Variants in MROH1 observed in about 807,000 individuals in gnomAD.
MROH1 encodes the protein maestro heat like repeat family member 1.
In MROH1, 117 loss-of-function variants were observed where a neutral mutation model predicts 116.5. That is an observed-to-expected ratio of 1.00 (90% CI 0.86 to 1.17). MROH1 has a LOEUF of 1.17. Among genes scored for constraint, MROH1 ranks in the 50% most tolerant of loss-of-function variants. The pLI, the probability that MROH1 is intolerant of heterozygous loss-of-function variation, is 0.00. For missense variants in MROH1, 1,873 were observed against 1,338.5 expected, an observed-to-expected ratio of 1.40 and a Z score of -6.23; for synonymous variants, 921 against 583.9, an observed-to-expected ratio of 1.58 and a Z score of -8.32.
At chr8:144,187,786 G>T (rs1024421019) in intron 7 of MROH1, among the ~76,000 whole-genome samples, 1 of 152,246 alleles carries the variant, frequency 6.6e-6, no homozygotes, top group East Asian at 1.9e-4. Flanking sequence ...AGGGGTACAG[G>T]TAGAGATTTT....
At chr8:144,195,906 C>T (rs928554985) in intron 10 of MROH1, among the ~76,000 whole-genome samples, 5 of 152,062 alleles carry the variant, frequency 3.3e-5, no homozygotes, top group Non-Finnish European at 7.4e-5. Context: ...TATTTTTTGG[C>T]CATACAAAGT....
Position 144,255,612 on chromosome 8 carries a change from G to C in MROH1, c.3698G>C (p.Cys1233Ser). The change falls in exon 35 of 44, where the codon TGC becomes TCC. Residue 1233 changes from cysteine to serine, a missense_variant. By Grantham distance (112) the Cys-to-Ser change is moderately radical. Coordinates refer to ENST00000326134, the MANE Select transcript of MROH1 (RefSeq NM_032450.3). ...GTGGTGCTTCTGCTGCGCGTCAGCTGCACCGTGGGTGTCCAGCTGCCCCGG... is the reference window on the plus strand; with the variant it reads ...GTGGTGCTTCTGCTGCGCGTCAGCTCCACCGTGGGTGTCCAGCTGCCCCGG... ...LFVVLLLRVS[C>S]TVGVQLPRNL... 2.6e-6 allele frequency: 2 copies of C among 778,168 alleles called. No individual in the cohort carries two copies. The highest frequency in any genetic ancestry group is 3.4e-5 in the Admixed American group (2 of 58,892). 48.2% of individuals were successfully genotyped at this position (778,168 alleles called of 1,614,324 possible).
At chr8:144,200,384 GAAC>G (rs1390475436) in intron 11 of MROH1, 41 bp from the exon 12 acceptor site, 1 of 1,456,128 alleles carries the variant, frequency 6.9e-7, no homozygotes, top group Non-Finnish European at 9.3e-7. Context: ...GTATAGGGAT[GAAC>G]AAGATGACAT....
intron 4 of MROH1, among the ~76,000 whole-genome samples, chr8:144,169,989 A>G (rs1339654432): frequency 6.6e-6 from 1 of 152,214 alleles, no homozygotes; most frequent in Admixed American, 6.5e-5. Flanking sequence ...GCCTGCCACC[A>G]TGCCCGGCTA....
At chr8:144,183,159 C>G (rs1826099049) in intron 7 of MROH1, among the ~76,000 whole-genome samples, 1 of 152,066 alleles carries the variant, frequency 6.6e-6, no homozygotes, top group African/African-American at 2.4e-5. Flanking sequence ...GGGAGGATCA[C>G]TTGAGCCCAG....
chr8:144,183,463 A>C (rs7460939), intron 7 of MROH1, among the ~76,000 whole-genome samples: 148,041 of 149,892 alleles, frequency 0.99, 73,131 homozygotes, highest in East Asian at 1. Flanking sequence ...TTCTGAAAAA[A>C]CTTCCCACTG....
intron 35 of MROH1, among the ~76,000 whole-genome samples, chr8:144,258,281 C>T (rs1015045669): frequency 1.3e-5 from 2 of 152,188 alleles, no homozygotes; most frequent in African/African-American, 2.4e-5. Flanking sequence ...CTCCAGCTCT[C>T]GGCACCATCC....
chr8:144,213,984 C>G (rs892633025), intron 12 of MROH1: 1 of 151,696 alleles, frequency 6.6e-6, no homozygotes, highest in Non-Finnish European at 1.5e-5. Context: ...AAAAGATGTT[C>G]TTCTTTTTCT....
chr8:144,248,078 C>T (rs1327230214), intron 31 of MROH1, among the ~76,000 whole-genome samples: 1 of 152,216 alleles, frequency 6.6e-6, no homozygotes, highest in Non-Finnish European at 1.5e-5. Flanking sequence ...TACCCAAGAG[C>T]CACGTGGGGG....
rs964007284 is a variant in MROH1 at position 144,243,765 on chromosome 8, C to A, written c.2476-98C>A. On this transcript the variant is annotated intron_variant, in intron 25 of 43. Transcript: ENST00000326134. ...TAGGGACACATGGGGCTCTGCTCCT[C>A]GGGCCCCGCCTGTCACTTAGGCTGG... 3.1e-5 allele frequency: 23 copies of A among 738,682 alleles called. No homozygotes were observed. In the African/African-American group the frequency reaches 3.3e-4, roughly 10 times the overall value. 45.8% of individuals were successfully genotyped at this position (738,682 alleles called of 1,614,324 possible). A position where few individuals can be genotyped will look rare whatever the true frequency, so the allele number is the denominator to read the frequency against.
chr8:144,170,268 G>A (rs1404294647), intron 4 of MROH1, among the ~76,000 whole-genome samples: 1 of 152,176 alleles, frequency 6.6e-6, no homozygotes, highest in East Asian at 1.9e-4. Context: ...CTCCATGCTT[G>A]TCCTACTTTG....
chr8:144,174,657 A>T (rs1381713133), intron 4 of MROH1, among the ~76,000 whole-genome samples: 9 of 151,806 alleles, frequency 5.9e-5, no homozygotes, highest in African/African-American at 1.9e-4. Flanking sequence ...AATTGTTTTT[A>T]TTTTTTGTAG....
Position 144,255,820 on chromosome 8 carries a change from C to T in MROH1, c.3791+115C>T, listed in dbSNP as rs1554832670. 1.1e-4 allele frequency: 69 copies of T among 645,248 alleles called. No homozygotes were observed. In the East Asian group the frequency reaches 1.9e-3, roughly 17 times the overall value. The allele number at this position is 645,248 out of a possible 1,614,324, so 40.0% of individuals were successfully genotyped here. On this transcript the variant is annotated intron_variant, in intron 35 of 43. Coordinates refer to ENST00000326134, the MANE Select transcript of MROH1 (RefSeq NM_032450.3). The stretch of plus-strand genomic sequence containing the variant: ...TGAACCACGGGGAGTGTGGGAGTGA[C>T]TTTGCTTCCAGGGAGCTGGCGCCTC...
At position 144,246,535 on chromosome 8, in the gene MROH1, C is replaced by T. The variant is rs948391673; in HGVS notation, c.2872-766C>T. ...ATAACCCTGGTCTGGCTGAAGCTTACCTTGGTGCATGATGTGATGGATGCC... is the reference window on the plus strand; with the variant it reads ...ATAACCCTGGTCTGGCTGAAGCTTATCTTGGTGCATGATGTGATGGATGCC... On this transcript the variant is annotated intron_variant, in intron 29 of 43. Transcript: ENST00000326134. Among the ~76,000 whole-genome samples, 69 of 152,306 alleles carry T rather than the reference C, an allele frequency of 4.5e-4. No homozygotes were observed. The Middle Eastern group carries it at 0.01, about 23-fold the overall frequency.
At chr8:144,214,982 T>G (rs1470878020) in intron 12 of MROH1, among the ~76,000 whole-genome samples, 1 of 152,112 alleles carries the variant, frequency 6.6e-6, no homozygotes. Flanking sequence ...GCTAAGCCAG[T>G]CTAGTCTTTC....
chr8:144,188,712 C>T (rs561811095), intron 7 of MROH1, among the ~76,000 whole-genome samples: 14 of 152,082 alleles, frequency 9.2e-5, no homozygotes, highest in South Asian at 4.2e-4. Context: ...ATGATTCACC[C>T]GCCTCAGCCT....
chr8:144,180,161 C>A lies in MROH1; in HGVS notation c.301-17C>A. ...TGGTCTTGCCTTTTGGTCTACCTGC[C>A]GGTGTTTTGGGTTCAGGACCTGGTC... On this transcript the variant is annotated splice_polypyrimidine_tract_variant and intron_variant, in intron 5 of 43. Transcript: ENST00000326134. This position sits in a 1 kb window ranked among gnomAD's most constrained non-coding sequence, Gnocchi z 7.4. 1 of 1,613,304 alleles carries A rather than the reference C, an allele frequency of 6.2e-7. No homozygotes were observed. Among genetic ancestry groups the A allele is most frequent in the South Asian group, 1.1e-5 (1 of 91,040 alleles).
intron 12 of MROH1, among the ~76,000 whole-genome samples, chr8:144,215,983 A>C (rs1271665013): frequency 3.3e-5 from 5 of 151,546 alleles, no homozygotes; most frequent in Non-Finnish European, 5.9e-5. Flanking sequence ...TCAGGAGTTC[A>C]AGACCAGCCT....
At chr8:144,172,017 A>C (rs1342720514) in intron 4 of MROH1, among the ~76,000 whole-genome samples, 1 of 152,222 alleles carries the variant, frequency 6.6e-6, no homozygotes, top group Non-Finnish European at 1.5e-5. Flanking sequence ...GTCTGACAAA[A>C]CAGACTCCTT....
Sources: gnomAD v4.1 joint callset for allele counts (sites outside exome capture counted in the v4.1 genomes callset) on GRCh38, gnomAD v4.1.1 for gene constraint, Gnocchi (gnomAD v3.1) non-coding constraint, MANE v1.5 for transcripts, NCBI Gene and HGNC (gene_info 2026-07-23, HGNC 2026-07-21) for gene names.